The following KDM3B variants were observed in gnomAD, a reference collection of about 807,000 sequenced individuals.
KDM3B encodes lysine-specific demethylase 3B.
Under a neutral mutation model 170.0 loss-of-function variants are expected in KDM3B, and 10 were observed. The ratio of observed to expected loss-of-function variants is 0.06; its 90% CI spans 0.04 to 0.10. The LOEUF (loss-of-function observed/expected upper bound fraction) is 0.10. Ranked by LOEUF, KDM3B falls within the 10% of genes least tolerant of loss-of-function variation. The pLI is 1.00. For missense variants in KDM3B, 1,394 were observed against 2,195.2 expected (o/e 0.64, Z 7.29); for synonymous variants, 831 against 834.8 (o/e 1.00, Z 0.08).
intron 11 of KDM3B, among the ~76,000 whole-genome samples, chr5:138,407,041 AG>A (rs1344844517): frequency 4.3e-5 from 6 of 140,590 alleles, no homozygotes; most frequent in African/African-American, 1.1e-4. Flanking sequence ...GCTGGAGTGC[AG>A]TGGCACGATC....
intron 9 of KDM3B, among the ~76,000 whole-genome samples, chr5:138,394,671 A>C (rs754508193): frequency 1.3e-5 from 2 of 152,214 alleles, no homozygotes; most frequent in Non-Finnish European, 2.9e-5. Flanking sequence ...TGAGTTAATG[A>C]TGGGTCCACA....
intron 1 of KDM3B, among the ~76,000 whole-genome samples, chr5:138,353,294 A>G (rs1429976129): frequency 1.3e-5 from 2 of 152,204 alleles, no homozygotes; most frequent in East Asian, 3.9e-4. Context: ...CCTTCGGAGC[A>G]GGCTCTCGAA....
chr5:138,392,179 G>C lies in KDM3B; in HGVS notation c.2547G>C (p.Gly849=). 1 of 1,563,952 alleles carries C rather than the reference G, an allele frequency of 6.4e-7. No individual in the cohort carries two copies. ...EHLMGKLGPN[G]ERSAELLLGK... is the part of the protein sequence containing the mutation. ...TGATGGGGAAGCTGGGCCCCAATGGGGAGCGCAGTGCTGAGCTGTTGCTGG... is the reference window on the plus strand; with the variant it reads ...TGATGGGGAAGCTGGGCCCCAATGGCGAGCGCAGTGCTGAGCTGTTGCTGG... Residue 849 remains glycine, a synonymous_variant, in exon 8 of 24, where the codon GGG becomes GGC. Coordinates refer to ENST00000314358, the MANE Select transcript of KDM3B (RefSeq NM_016604.4).
intron 22 of KDM3B, 133 bp from the exon 23 acceptor site, chr5:138,431,292 T>G: frequency 1.4e-6 from 1 of 733,124 alleles, no homozygotes; most frequent in Non-Finnish European, 2.1e-6. Context: ...CTTACAGCTT[T>G]TCTGTGTTGT....
chr5:138,378,325 A>G (rs1170992093), intron 4 of KDM3B, among the ~76,000 whole-genome samples: 1 of 152,218 alleles, frequency 6.6e-6, no homozygotes, highest in African/African-American at 2.4e-5. Flanking sequence ...TTAACTTAAA[A>G]TCTGCAAGTT....
chr5:138,364,472 G>A (rs752079135), intron 1 of KDM3B, among the ~76,000 whole-genome samples: 22 of 151,860 alleles, frequency 1.4e-4, no homozygotes, highest in South Asian at 4.1e-4. Flanking sequence ...GCCATGGTGA[G>A]CATTTTTGTG....
intron 16 of KDM3B, 68 bp downstream of exon 16, chr5:138,424,409 C>T: frequency 6.6e-7 from 1 of 1,518,332 alleles, no homozygotes. Context: ...TGGACAATTC[C>T]AGGTCTCTCT....
chr5:138,373,580 T>G (rs1273086597), intron 2 of KDM3B, among the ~76,000 whole-genome samples: 1 of 151,962 alleles, frequency 6.6e-6, no homozygotes, highest in African/African-American at 2.4e-5. Flanking sequence ...ACCCCCAGGC[T>G]TAAGCCATCC....
intron 11 of KDM3B, among the ~76,000 whole-genome samples, chr5:138,403,649 C>A (rs1322280031): frequency 6.6e-6 from 1 of 150,638 alleles, no homozygotes; most frequent in African/African-American, 2.4e-5. Context: ...TGCACTCCAG[C>A]CTGGGCAACA....
At chr5:138,413,602 T>C (rs1330228100) in intron 11 of KDM3B, among the ~76,000 whole-genome samples, 1 of 152,172 alleles carries the variant, frequency 6.6e-6, no homozygotes, top group Non-Finnish European at 1.5e-5. Context: ...GAAAGACCTA[T>C]ACATGAATGT....
At chr5:138,384,916 G>GAA (rs766207020) in intron 6 of KDM3B, among the ~76,000 whole-genome samples, 9 of 106,900 alleles carry the variant, frequency 8.4e-5, no homozygotes, top group East Asian at 5.6e-4. Context: ...TCCATCTCAG[G>GAA]AAAAAAAAAA....
chr5:138,410,108 G>A (rs974850538), intron 11 of KDM3B, among the ~76,000 whole-genome samples: 17 of 151,880 alleles, frequency 1.1e-4, no homozygotes, highest in African/African-American at 4.1e-4. Context: ...GAAAAGAAAA[G>A]AAAAGAAAAA....
At chr5:138,366,620 C>T (rs1350423315) in intron 1 of KDM3B, among the ~76,000 whole-genome samples, 2 of 152,180 alleles carry the variant, frequency 1.3e-5, no homozygotes, top group African/African-American at 2.4e-5. Context: ...GCATCAGCCA[C>T]CATGCCTGGC....
rs1288177920 is a variant in KDM3B at position 138,424,412 on chromosome 5, G to A, written c.4239+71G>A. The A allele has an allele frequency of 7.3e-6, 11 of 1,515,376 alleles. No homozygotes were observed. In the African/African-American group the frequency reaches 1.4e-4, roughly 19 times the overall value. The allele number at this position is 1,515,376 out of a possible 1,614,324, so 93.9% of individuals were successfully genotyped here. A position where few individuals can be genotyped will look rare whatever the true frequency, so the allele number is the denominator to read the frequency against. On this transcript the variant is annotated intron_variant, in intron 16 of 23. Transcript: ENST00000314358. ...ACCACAGATACCTGGACAATTCCAG[G>A]TCTCTCTTTTTGCCAGGGAGATTTA... is the stretch of plus-strand genomic sequence containing the variant.
At chr5:138,373,442 A>G (rs1468205318) in intron 2 of KDM3B, among the ~76,000 whole-genome samples, 4 of 151,910 alleles carry the variant, frequency 2.6e-5, no homozygotes, top group African/African-American at 7.2e-5. Flanking sequence ...TTTTTTTTCA[A>G]TTATGGAGTG....
intron 11 of KDM3B, 134 bp downstream of exon 11, chr5:138,400,146 A>G (rs1249932735): frequency 2.5e-6 from 2 of 785,170 alleles, no homozygotes; most frequent in Non-Finnish European, 4.0e-6. Context: ...ACTTTGTTGT[A>G]TTTTAAGACC....
intron 11 of KDM3B, among the ~76,000 whole-genome samples, chr5:138,402,788 C>T (rs1486429708): frequency 2.0e-5 from 3 of 152,214 alleles, no homozygotes; most frequent in Non-Finnish European, 2.9e-5. Flanking sequence ...CCCTGGCTTA[C>T]TGCTTAGGCA....
chr5:138,403,084 A>G (rs551149876), intron 11 of KDM3B, among the ~76,000 whole-genome samples: 30 of 152,336 alleles, frequency 2.0e-4, no homozygotes, highest in African/African-American at 5.1e-4. Flanking sequence ...AGTGGGACTA[A>G]TTTAGTCTCA....
chr5:138,430,171 G>C (rs1763495230), intron 21 of KDM3B, 78 bp from the exon 22 acceptor site: 2 of 1,510,522 alleles, frequency 1.3e-6, no homozygotes, highest in African/African-American at 2.8e-5. Context: ...CCCATCTTAG[G>C]ACATTGCTGC....
Sources: allele counts gnomAD v4.1 joint callset (sites outside exome capture counted in the v4.1 genomes callset), GRCh38; gene constraint gnomAD v4.1.1; transcripts MANE v1.5; gene names NCBI Gene and HGNC (gene_info 2026-07-23, HGNC 2026-07-21).